Variants in ROR1 observed in about 807,000 individuals in gnomAD.
The protein encoded by ROR1 is inactive tyrosine-protein kinase transmembrane receptor ROR1.
ROR1 carries 19 observed loss-of-function variants against 78.8 expected under a neutral mutation model. The observed-to-expected ratio is 0.24, with a 90% CI of 0.17 to 0.35. ROR1 has a LOEUF of 0.35. ROR1 is among the 10% of genes least tolerant of loss of function. ROR1 has a pLI of 1.00. For missense variants in ROR1, 917 were observed against 1,177.8 expected, an observed-to-expected ratio of 0.78 and a Z score of 3.24; for synonymous variants, 386 against 433.6, an observed-to-expected ratio of 0.89 and a Z score of 1.36.
At chr1:63,968,432 G>A (rs180993090) in intron 1 of ROR1, among the ~76,000 whole-genome samples, 9 of 140,696 alleles carry the variant, frequency 6.4e-5, no homozygotes, top group Admixed American at 6.3e-4. Context: ...AGTGGATCAT[G>A]AAATATTTTT....
chr1:64,132,611 T>G (rs1456340296), intron 4 of ROR1, among the ~76,000 whole-genome samples: 1 of 151,852 alleles, frequency 6.6e-6, no homozygotes, highest in Admixed American at 6.6e-5. Context: ...AATACAAAAA[T>G]TAGCCAGGCA....
At chr1:64,024,295 A>G (rs769147893) in intron 2 of ROR1, among the ~76,000 whole-genome samples, 17 of 152,146 alleles carry the variant, frequency 1.1e-4, no homozygotes, top group Non-Finnish European at 2.1e-4. Context: ...AACCTGGCCA[A>G]CATGGTGAAA....
At chr1:64,171,920 C>A in intron 8 of ROR1, among the ~76,000 whole-genome samples, 1 of 152,192 alleles carries the variant, frequency 6.6e-6, no homozygotes, top group East Asian at 1.9e-4. Context: ...ATGGTAATCA[C>A]TTCCTTAAAG....
chr1:63,975,550 G>A (rs913746926), intron 1 of ROR1, among the ~76,000 whole-genome samples: 6 of 152,082 alleles, frequency 3.9e-5, no homozygotes, highest in African/African-American at 9.7e-5. Context: ...GCAGTTATGC[G>A]GAAACCTTTC....
At chr1:64,165,379 C>T (rs1192166948) in intron 8 of ROR1, among the ~76,000 whole-genome samples, 1 of 151,994 alleles carries the variant, frequency 6.6e-6, no homozygotes, top group African/African-American at 2.4e-5. Flanking sequence ...GTTGGCCACA[C>T]GTATGTCTTC....
intron 8 of ROR1, among the ~76,000 whole-genome samples, chr1:64,162,149 T>A (rs1263526674): frequency 6.6e-6 from 1 of 152,208 alleles, no homozygotes; most frequent in Non-Finnish European, 1.5e-5. Context: ...TAGAAGCCAG[T>A]CTGCCCTAGC....
intron 4 of ROR1, among the ~76,000 whole-genome samples, chr1:64,086,245 C>T (rs1487610996): frequency 6.6e-6 from 1 of 152,202 alleles, no homozygotes; most frequent in Non-Finnish European, 1.5e-5. Context: ...ACAGACAAAG[C>T]AACTGAGGTT....
intron 1 of ROR1, among the ~76,000 whole-genome samples, chr1:63,920,037 G>A (rs1645642224): frequency 1.3e-5 from 2 of 152,148 alleles, no homozygotes; most frequent in African/African-American, 4.8e-5. Flanking sequence ...TATTAAAAGT[G>A]ATGGGAAATC....
intron 5 of ROR1, among the ~76,000 whole-genome samples, chr1:64,138,503 T>C (rs1038507445): frequency 6.6e-6 from 1 of 151,068 alleles, no homozygotes; most frequent in Non-Finnish European, 1.5e-5. Context: ...CTATGAGGAA[T>C]GTGAAGGAAC....
chr1:63,876,728 G>A (rs1252738591), intron 1 of ROR1, among the ~76,000 whole-genome samples: 1 of 145,704 alleles, frequency 6.9e-6, no homozygotes, highest in Non-Finnish European at 1.5e-5. Flanking sequence ...TCTTTCATTC[G>A]TTCTCTTTCT....
Position 63,853,847 on chromosome 1 carries a change from G to GTA in ROR1, c.91+79341_91+79342dup, listed in dbSNP as rs567965811. Among the ~76,000 whole-genome samples the GTA allele has an allele frequency of 4.0e-3, 615 of 152,266 alleles. 20 individuals carry two copies. The highest frequency in any genetic ancestry group is 2.4e-3 in the Non-Finnish European group (166 of 68,020). On this transcript the variant is annotated intron_variant, in intron 1 of 8. Coordinates refer to ENST00000371079, the MANE Select transcript of ROR1 (RefSeq NM_005012.4). The stretch of plus-strand genomic sequence containing the variant: ...TTCCACATCCAAATATACCTCTCCT[G>GTA]TATTAGCATAATTCTCTACTAAAAT...
intron 4 of ROR1, among the ~76,000 whole-genome samples, chr1:64,071,094 G>A (rs950602760): frequency 2.6e-5 from 4 of 152,212 alleles, no homozygotes; most frequent in East Asian, 3.8e-4. Flanking sequence ...GAAGGCCAGC[G>A]TGGCCAAATT....
At chr1:64,098,027 C>G (rs993893953) in intron 4 of ROR1, among the ~76,000 whole-genome samples, 1 of 135,810 alleles carries the variant, frequency 7.4e-6, no homozygotes, top group South Asian at 2.4e-4. Context: ...TCACACTCCC[C>G]TATATTTAAC....
At chr1:64,068,814 C>G (rs1646978592) in intron 4 of ROR1, among the ~76,000 whole-genome samples, 1 of 152,234 alleles carries the variant, frequency 6.6e-6, no homozygotes, top group South Asian at 2.1e-4. Flanking sequence ...TTCCGTTTTA[C>G]AGGCTGCAAA....
chr1:64,037,232 AG>A (rs1451921803), intron 2 of ROR1, among the ~76,000 whole-genome samples: 7 of 152,202 alleles, frequency 4.6e-5, no homozygotes, highest in African/African-American at 1.7e-4. Flanking sequence ...ACCTTCTCAT[AG>A]AAGGAGCATC....
At chr1:64,038,671 A>T (rs1191218853) in intron 2 of ROR1, among the ~76,000 whole-genome samples, 1 of 152,076 alleles carries the variant, frequency 6.6e-6, no homozygotes, top group Non-Finnish European at 1.5e-5. Context: ...CTTTATCATG[A>T]TTATCTCTTT....
intron 1 of ROR1, among the ~76,000 whole-genome samples, chr1:63,981,792 C>A (rs1646212402): frequency 6.6e-6 from 1 of 152,016 alleles, no homozygotes; most frequent in South Asian, 2.1e-4. Context: ...CCTGGGCTGT[C>A]ACAGTGAGTC....
chr1:63,919,039 C>A (rs1400627508), intron 1 of ROR1, among the ~76,000 whole-genome samples: 1 of 152,044 alleles, frequency 6.6e-6, no homozygotes, highest in Admixed American at 6.5e-5. Context: ...ACAAATCTTC[C>A]AAAAGACAGG....
At chr1:64,048,368 G>T (rs1378374466) in intron 2 of ROR1, among the ~76,000 whole-genome samples, 2 of 152,170 alleles carry the variant, frequency 1.3e-5, no homozygotes, top group Non-Finnish European at 2.9e-5. Flanking sequence ...GAAAGTTCTG[G>T]TGGATAACAC....
Sources: gnomAD v4.1 joint callset for allele counts (sites outside exome capture counted in the v4.1 genomes callset) on GRCh38, gnomAD v4.1.1 for gene constraint, MANE v1.5 for transcripts, NCBI Gene and HGNC (gene_info 2026-07-23, HGNC 2026-07-21) for gene names.